The following PPP1R12B variants were observed in gnomAD, a reference collection of about 807,000 sequenced individuals.
PPP1R12B encodes the protein protein phosphatase 1 regulatory subunit 12B, also known as myosin phosphatase target subunit 2.
In PPP1R12B, 76 loss-of-function variants were observed where a neutral mutation model predicts 126.1. That is an observed-to-expected ratio of 0.60 (90% CI 0.50 to 0.73). PPP1R12B has a LOEUF of 0.73. Among genes scored for constraint, PPP1R12B ranks in the 30% least tolerant of loss-of-function variants. PPP1R12B has a pLI of 0.00. For synonymous variants in PPP1R12B, 356 were observed against 434.7 expected (o/e 0.82, Z 2.25); for missense variants, 1,052 against 1,205.1 (o/e 0.87, Z 1.88).
At chr1:202,563,900 C>A (rs1211133030) in intron 20 of PPP1R12B, among the ~76,000 whole-genome samples, 1 of 151,994 alleles carries the variant, frequency 6.6e-6, no homozygotes, top group African/African-American at 2.4e-5. Context: ...AGACCCCCAT[C>A]TCCACAAAAA....
chr1:202,372,201 T>G (rs1187568456), intron 1 of PPP1R12B, among the ~76,000 whole-genome samples: 1 of 151,970 alleles, frequency 6.6e-6, no homozygotes, highest in African/African-American at 2.4e-5. Flanking sequence ...CAGTTTTTCT[T>G]ATATTATAAA....
At chr1:202,420,966 A>ATTTTTT (rs1491405149) in intron 2 of PPP1R12B, among the ~76,000 whole-genome samples, 3 of 33,616 alleles carry the variant, frequency 8.9e-5, no homozygotes, top group Admixed American at 5.6e-4. Flanking sequence ...CCCTCTGCCA[A>ATTTTTT]CTTTTTTTTT....
At chr1:202,447,940 G>A (rs1254309343) in intron 12 of PPP1R12B, among the ~76,000 whole-genome samples, 7 of 151,698 alleles carry the variant, frequency 4.6e-5, no homozygotes, top group South Asian at 2.1e-4. Flanking sequence ...GAAGTAGCAT[G>A]TGTTTTTTTA....
rs771589957 is a variant in PPP1R12B at position 202,493,241 on chromosome 1, A to G, written c.2069A>G (p.Lys690Arg). The G allele has an allele frequency of 3.8e-5, 61 of 1,612,928 alleles. No homozygotes were observed. The highest frequency in any genetic ancestry group is 4.5e-5 in the Non-Finnish European group (53 of 1,179,876). Residue 690 changes from lysine (K) to arginine (R), a missense_variant, in exon 15 of 24, where the codon AAG (lysine) becomes AGG (arginine). By Grantham distance (26) the Lys-to-Arg change is conservative. Transcript: ENST00000608999. ...DTEGLEGSPE[K>R]HEPSAVPATE... ...GAAGGGCTTGAGGGGAGCCCTGAGAAGCATGAGCCCTCAGCAGTTCCAGCA... is the reference window on the plus strand; with the variant it reads ...GAAGGGCTTGAGGGGAGCCCTGAGAGGCATGAGCCCTCAGCAGTTCCAGCA...
At chr1:202,372,189 A>C (rs572599619) in intron 1 of PPP1R12B, among the ~76,000 whole-genome samples, 7 of 151,816 alleles carry the variant, frequency 4.6e-5, no homozygotes, top group African/African-American at 1.7e-4. Flanking sequence ...ATATTTTCCA[A>C]TCAGTTTTTC....
intron 1 of PPP1R12B, among the ~76,000 whole-genome samples, chr1:202,380,715 A>G (rs1662110070): frequency 6.6e-6 from 1 of 152,148 alleles, no homozygotes. Context: ...CTGGTAAATT[A>G]TTACTCTGAA....
intron 18 of PPP1R12B, among the ~76,000 whole-genome samples, chr1:202,523,588 CAG>C (rs1683003693): frequency 6.6e-6 from 1 of 152,218 alleles, no homozygotes; most frequent in Non-Finnish European, 1.5e-5. Flanking sequence ...GAAAGAGAAT[CAG>C]ATCATCTGAA....
intron 18 of PPP1R12B, among the ~76,000 whole-genome samples, chr1:202,506,132 CTG>C (rs1349244957): frequency 1.3e-5 from 2 of 152,190 alleles, no homozygotes; most frequent in Non-Finnish European, 2.9e-5. Flanking sequence ...CCAACCAACT[CTG>C]TATGTGGGAA....
At chr1:202,498,311 G>C (rs1558303683) in intron 18 of PPP1R12B, among the ~76,000 whole-genome samples, 1 of 152,198 alleles carries the variant, frequency 6.6e-6, no homozygotes, top group Admixed American at 6.5e-5. Flanking sequence ...ATCTACTAGT[G>C]TTTACCATGT....
chr1:202,446,960 T>C (rs1316209224), intron 12 of PPP1R12B, among the ~76,000 whole-genome samples: 1 of 152,078 alleles, frequency 6.6e-6, no homozygotes, highest in East Asian at 1.9e-4. Context: ...GGCTGTACTC[T>C]AGGGAAGAAG....
chr1:202,379,617 T>C (rs879381395), intron 1 of PPP1R12B, among the ~76,000 whole-genome samples: 9 of 152,232 alleles, frequency 5.9e-5, no homozygotes, highest in Admixed American at 5.9e-4. Context: ...TTTTTAAAAT[T>C]CTTGTTGAAT....
intron 13 of PPP1R12B, among the ~76,000 whole-genome samples, chr1:202,477,070 A>G (rs1676764417): frequency 6.6e-6 from 1 of 152,086 alleles, no homozygotes; most frequent in South Asian, 2.1e-4. Context: ...ATTAAGGGGA[A>G]CTCTTTGATT....
chr1:202,417,002 A>G, intron 2 of PPP1R12B, 85 bp downstream of exon 2: 1 of 1,397,694 alleles, frequency 7.2e-7, no homozygotes, highest in Non-Finnish European at 9.6e-7. Flanking sequence ...TTTGAATTTT[A>G]TAAATAGTTA....
intron 14 of PPP1R12B, 131 bp downstream of exon 14, chr1:202,488,754 G>A: frequency 1.2e-6 from 1 of 826,468 alleles, no homozygotes. Flanking sequence ...CTCACGGCTT[G>A]GCGTGGTGGC....
At chr1:202,427,381 G>A (rs1158541755) in intron 5 of PPP1R12B, among the ~76,000 whole-genome samples, 197 bp downstream of exon 5, 5 of 152,068 alleles carry the variant, frequency 3.3e-5, no homozygotes, top group African/African-American at 1.2e-4. Context: ...ATAAAACTCC[G>A]TGGACCTTCT....
At chr1:202,528,963 A>G (rs905063722) in intron 18 of PPP1R12B, among the ~76,000 whole-genome samples, 6 of 152,146 alleles carry the variant, frequency 3.9e-5, no homozygotes, top group African/African-American at 1.2e-4. Flanking sequence ...ACCTTAAGGA[A>G]GGGGACAAAG....
chr1:202,364,741 TAA>T, intron 1 of PPP1R12B, among the ~76,000 whole-genome samples: 1 of 152,208 alleles, frequency 6.6e-6, no homozygotes, highest in South Asian at 2.1e-4. Context: ...CATGCTCGGC[TAA>T]GTTTTTGTAT....
chr1:202,409,407 C>T (rs1470626106), intron 1 of PPP1R12B, among the ~76,000 whole-genome samples: 1 of 151,536 alleles, frequency 6.6e-6, no homozygotes. Flanking sequence ...CTGCAACCTC[C>T]ACCTCCTGGG....
chr1:202,374,420 T>C (rs1043814198), intron 1 of PPP1R12B, among the ~76,000 whole-genome samples: 2 of 152,010 alleles, frequency 1.3e-5, no homozygotes, highest in African/African-American at 4.8e-5. Context: ...TCTCATGAGG[T>C]TGTAGTCACC....
Sources: gnomAD v4.1 joint callset for allele counts (sites outside exome capture counted in the v4.1 genomes callset) on GRCh38, gnomAD v4.1.1 for gene constraint, MANE v1.5 for transcripts, NCBI Gene and HGNC (gene_info 2026-07-23, HGNC 2026-07-21) for gene names.